PGAP1: variants seen among roughly 807,000 people sequenced by gnomAD.
The protein encoded by PGAP1 is post-GPI attachment to proteins inositol deacylase 1, also known as GPI inositol-deacylase.
PGAP1 carries 76 observed loss-of-function variants against 127.0 expected under a neutral mutation model. The ratio of observed to expected loss-of-function variants is 0.60; its 90% confidence interval spans 0.50 to 0.72. The LOEUF (loss-of-function observed/expected upper bound fraction) is 0.72, where lower values mean the gene tolerates loss of function less well. Ranked by LOEUF, PGAP1 falls within the 30% of genes least tolerant of loss-of-function variation. The pLI is 0.00. For synonymous variants in PGAP1, 362 were observed against 366.5 expected (o/e 0.99, Z 0.14); for missense variants, 982 against 1,071.3 (o/e 0.92, Z 1.16).
intron 1 of PGAP1, among the ~76,000 whole-genome samples, chr2:196,923,763 C>T (rs991964152): frequency 6.6e-6 from 1 of 151,774 alleles, no homozygotes. Flanking sequence ...CTGGTTCAAG[C>T]GATTCTCCAG....
Position 196,835,484 on chromosome 2 carries a change from C to A in PGAP1, c.*5750G>T, listed in dbSNP as rs1216655929. On this transcript the variant is annotated 3_prime_UTR_variant, in exon 27 of 27. Transcript: ENST00000354764. ...AAGATCATTACTAGGCAAACTTTTA[C>A]CCAATAAAATCAGAAAACATTCAAG... The A allele has an allele frequency of 6.6e-6, 1 of 151,952 alleles. No homozygotes were observed. Among genetic ancestry groups the A allele is most frequent in the East Asian group, 1.9e-4 (1 of 5,198 alleles). The allele number at this position is 151,952 out of a possible 1,614,324, so 9.4% of individuals were successfully genotyped here.
intron 13 of PGAP1, among the ~76,000 whole-genome samples, chr2:196,876,594 C>A (rs1481171129): frequency 6.6e-6 from 1 of 151,994 alleles, no homozygotes; most frequent in African/African-American, 2.4e-5. Context: ...CTCTACAATG[C>A]AATCATATTA....
chr2:196,881,045 G>A (rs113970146), intron 12 of PGAP1, among the ~76,000 whole-genome samples: 15,563 of 151,884 alleles, frequency 0.1, 966 homozygotes, highest in African/African-American at 0.17. Context: ...CAATAGGCCC[G>A]AGTGTGTGTT....
intron 10 of PGAP1, among the ~76,000 whole-genome samples, chr2:196,887,692 G>C (rs1222876521): frequency 2.0e-5 from 3 of 152,302 alleles, no homozygotes; most frequent in South Asian, 2.1e-4. Flanking sequence ...GGCAGACATA[G>C]TCTCTGCTCT....
chr2:196,864,937 T>C, intron 20 of PGAP1, 50 bp downstream of exon 20: 1 of 1,004,072 alleles, frequency 1.0e-6, no homozygotes, highest in Non-Finnish European at 1.4e-6. Flanking sequence ...ATAGTCATTC[T>C]ACTTTAATAT....
intron 20 of PGAP1, among the ~76,000 whole-genome samples, chr2:196,851,020 A>G (rs1436175002): frequency 6.6e-6 from 1 of 152,124 alleles, no homozygotes; most frequent in East Asian, 1.9e-4. Context: ...TAGAAAATGC[A>G]AAAGTATAAA....
intron 12 of PGAP1, among the ~76,000 whole-genome samples, chr2:196,880,525 T>C (rs1332642421): frequency 6.6e-6 from 1 of 152,206 alleles, no homozygotes; most frequent in Non-Finnish European, 1.5e-5. Flanking sequence ...TACATTTATT[T>C]TGGTAGTATA....
At chr2:196,869,484 G>A (rs771473889) in intron 19 of PGAP1, among the ~76,000 whole-genome samples, 9 of 152,032 alleles carry the variant, frequency 5.9e-5, no homozygotes, top group South Asian at 2.1e-4. Context: ...ACAGGTGCCC[G>A]CCACCACGTC....
intron 3 of PGAP1, among the ~76,000 whole-genome samples, chr2:196,914,813 C>CT (rs772109065): frequency 0.019 from 2,652 of 138,114 alleles, 78 homozygotes; most frequent in African/African-American, 0.061. Flanking sequence ...ATTCTTAATT[C>CT]TTTTTTTTTT....
intron 7 of PGAP1, among the ~76,000 whole-genome samples, chr2:196,893,654 A>G (rs1386976309): frequency 6.6e-6 from 1 of 152,200 alleles, no homozygotes; most frequent in Admixed American, 6.5e-5. Context: ...TGTGATCCCA[A>G]TGTACTGATT....
intron 20 of PGAP1, among the ~76,000 whole-genome samples, chr2:196,858,987 C>G (rs967374751): frequency 1.3e-5 from 2 of 151,936 alleles, no homozygotes; most frequent in African/African-American, 4.8e-5. Flanking sequence ...TCCAGCCTAC[C>G]AAGGTTGAAT....
chr2:196,873,109 T>C lies in PGAP1; in HGVS notation c.1553-83A>G, dbSNP rs6708412. The C allele has an allele frequency of 0.089, 45,353 of 512,246 alleles. 2,465 individuals are homozygous for C. Among genetic ancestry groups the C allele is most frequent in the African/African-American group, 0.17 (8,466 of 49,212 alleles). The allele number at this position is 512,246 out of a possible 1,614,324, so 31.7% of individuals were successfully genotyped here. Reference sequence around the variant, plus strand: ...AACTACTATAATATCTAACTAATTATACAATTGTCCATTTCATTAAAAAAA... The same window carrying C: ...AACTACTATAATATCTAACTAATTACACAATTGTCCATTTCATTAAAAAAA... On this transcript the variant is annotated intron_variant, in intron 16 of 26. Coordinates refer to ENST00000354764, the MANE Select transcript of PGAP1 (RefSeq NM_024989.4).
intron 12 of PGAP1, 73 bp from the exon 13 acceptor site, chr2:196,880,226 C>T (rs1701689286): frequency 1.1e-6 from 1 of 903,236 alleles, no homozygotes; most frequent in African/African-American, 1.9e-5. Context: ...ATAAATAACA[C>T]TTATTTCTTA....
intron 4 of PGAP1, among the ~76,000 whole-genome samples, chr2:196,911,517 T>C (rs1211997488): frequency 1.1e-5 from 1 of 90,418 alleles, no homozygotes; most frequent in Non-Finnish European, 2.1e-5. Context: ...GATGACACAT[T>C]AGTGGGTGCA....
At chr2:196,876,862 T>C (rs1475898084) in intron 13 of PGAP1, among the ~76,000 whole-genome samples, 1 of 152,062 alleles carries the variant, frequency 6.6e-6, no homozygotes, top group African/African-American at 2.4e-5. Flanking sequence ...AAAAAACTTT[T>C]AAGGGGTTTT....
At chr2:196,898,803 C>T (rs1559362178) in intron 5 of PGAP1, among the ~76,000 whole-genome samples, 2 of 152,058 alleles carry the variant, frequency 1.3e-5, no homozygotes, top group African/African-American at 4.8e-5. Context: ...TTAACTTCTT[C>T]ATCAGTGGTG....
chr2:196,842,079 T>C (rs1700429516), intron 26 of PGAP1, among the ~76,000 whole-genome samples: 1 of 150,550 alleles, frequency 6.6e-6, no homozygotes, highest in African/African-American at 2.4e-5. Context: ...CAAAGAACCA[T>C]CTTACATTCC....
chr2:196,913,578 C>A (rs1702907249), intron 3 of PGAP1, among the ~76,000 whole-genome samples: 1 of 152,176 alleles, frequency 6.6e-6, no homozygotes, highest in South Asian at 2.1e-4. Context: ...ACTGACAATT[C>A]CATATTTTAT....
chr2:196,905,644 G>C (rs956888659), intron 4 of PGAP1, among the ~76,000 whole-genome samples: 56 of 152,162 alleles, frequency 3.7e-4, no homozygotes, highest in Non-Finnish European at 5.9e-4. Context: ...CTCCCAGCGT[G>C]AGCGACGCAG....
Sources: allele counts gnomAD v4.1 joint callset (sites outside exome capture counted in the v4.1 genomes callset), GRCh38; gene constraint gnomAD v4.1.1; transcripts MANE v1.5; gene names NCBI Gene and HGNC (gene_info 2026-07-23, HGNC 2026-07-21).